GDAP2: variants seen among roughly 807,000 people sequenced by gnomAD.
GDAP2 encodes the protein ganglioside induced differentiation associated protein 2.
A neutral mutation model predicts 67.0 loss-of-function variants in GDAP2; 51 were observed. That is an observed-to-expected ratio of 0.76 (90% CI 0.61 to 0.96). The LOEUF (loss-of-function observed/expected upper bound fraction) is 0.96, where lower values mean the gene tolerates loss of function less well. Among genes scored for constraint, GDAP2 ranks in the 40% least tolerant of loss-of-function variants. The pLI is 0.00. For missense variants in GDAP2, 547 were observed against 588.3 expected (o/e 0.93, Z 0.73); for synonymous variants, 203 against 207.3 (o/e 0.98, Z 0.18).
At chr1:117,923,846 T>C (rs1447384059) in intron 1 of GDAP2, among the ~76,000 whole-genome samples, 5 of 152,244 alleles carry the variant, frequency 3.3e-5, no homozygotes, top group African/African-American at 7.2e-5. Context: ...CTAGAAACCA[T>C]AGTTTAATAT....
At chr1:117,928,054 CATA>C (rs1650518258) in intron 1 of GDAP2, among the ~76,000 whole-genome samples, 1 of 152,034 alleles carries the variant, frequency 6.6e-6, no homozygotes, top group Non-Finnish European at 1.5e-5. Context: ...TGTCCCATCC[CATA>C]ATATTTAATA....
chr1:117,907,624 C>T (rs1041260270), intron 5 of GDAP2, among the ~76,000 whole-genome samples: 6 of 152,194 alleles, frequency 3.9e-5, no homozygotes, highest in African/African-American at 9.6e-5. Context: ...TTCCTTCATG[C>T]TGCATTTTCA....
At chr1:117,926,474 G>A (rs1359594008) in intron 1 of GDAP2, among the ~76,000 whole-genome samples, 1 of 152,172 alleles carries the variant, frequency 6.6e-6, no homozygotes, top group Non-Finnish European at 1.5e-5. Context: ...CTTATTGTAG[G>A]ACAAAATTTA....
At position 117,912,569 on chromosome 1, in the gene GDAP2, G is replaced by C; in HGVS notation, c.431C>G (p.Ser144Cys). The change falls in exon 4 of 14, where the codon TCC becomes TGC. Residue 144 changes from serine to cysteine, a missense_variant. Physicochemically the swap from Ser to Cys is moderately radical, Grantham distance 112. Coordinates refer to ENST00000369443, the MANE Select transcript of GDAP2 (RefSeq NM_017686.4). ...KSRYRTAAES[S>C]LYSCYRNVLQ... is the part of the protein sequence containing the mutation. ...TACGTTTCTGTAGCAGCTATAAAGG[G>C]AACTCTCAGCTGCTGTGCGATAGCG... is the stretch of plus-strand genomic sequence containing the variant. The C allele has an allele frequency of 6.2e-7, 1 of 1,613,438 alleles. No individual in the cohort carries two copies. The highest frequency in any genetic ancestry group is 8.5e-7 in the Non-Finnish European group (1 of 1,179,438).
chr1:117,883,636 TA>T lies in GDAP2; in HGVS notation c.1108-10del. 1 of 1,590,172 alleles carries T rather than the reference TA, an allele frequency of 6.3e-7. No individual in the cohort carries two copies. The highest frequency in any genetic ancestry group is 8.6e-7 in the Non-Finnish European group (1 of 1,161,432). ...ATGAAATATAAGAGAGCCTAAAAGA[TA>T]AAAGGGGAATAAAGGTGAAGATCAT... On this transcript the variant is annotated splice_polypyrimidine_tract_variant and intron_variant, in intron 10 of 13. Coordinates refer to ENST00000369443, the MANE Select transcript of GDAP2 (RefSeq NM_017686.4).
At chr1:117,923,398 TATA>T (rs894917439) in intron 1 of GDAP2, among the ~76,000 whole-genome samples, 1 of 152,164 alleles carries the variant, frequency 6.6e-6, no homozygotes, top group Non-Finnish European at 1.5e-5. Context: ...CATAAGAAAT[TATA>T]AAAGTATTAA....
At chr1:117,907,868 C>T (rs929820929) in intron 5 of GDAP2, among the ~76,000 whole-genome samples, 5 of 152,092 alleles carry the variant, frequency 3.3e-5, no homozygotes, top group African/African-American at 1.2e-4. Context: ...TGATGCTCTG[C>T]ACTACTTACA....
At chr1:117,900,304 T>C (rs753722366) in intron 6 of GDAP2, among the ~76,000 whole-genome samples, 9 of 152,066 alleles carry the variant, frequency 5.9e-5, no homozygotes, top group Non-Finnish European at 1.2e-4. Context: ...ACAGACAGTA[T>C]TCACAAAGGG....
intron 1 of GDAP2, among the ~76,000 whole-genome samples, chr1:117,923,997 G>A (rs1256043516): frequency 6.6e-6 from 1 of 152,168 alleles, no homozygotes; most frequent in Non-Finnish European, 1.5e-5. Context: ...GCATATTCAT[G>A]CATAGTTCAA....
At chr1:117,918,077 G>C (rs569635311) in intron 3 of GDAP2, among the ~76,000 whole-genome samples, 1 of 152,182 alleles carries the variant, frequency 6.6e-6, no homozygotes, top group African/African-American at 2.4e-5. Flanking sequence ...TTAAATGATA[G>C]AAGGGAAGGA....
At chr1:117,925,528 A>G (rs1345522090) in intron 1 of GDAP2, among the ~76,000 whole-genome samples, 1 of 152,208 alleles carries the variant, frequency 6.6e-6, no homozygotes, top group Non-Finnish European at 1.5e-5. Context: ...CTTTTGATGT[A>G]GTTACTACCT....
chr1:117,914,619 A>T (rs1458180952), intron 3 of GDAP2, among the ~76,000 whole-genome samples: 2 of 152,128 alleles, frequency 1.3e-5, no homozygotes, highest in South Asian at 2.1e-4. Context: ...ATATGAAGGC[A>T]AATCCCTGTA....
In GDAP2 at chr1:117,920,383, T is replaced by C. The variant is rs766246487; in HGVS notation, c.-26A>G. ...GGAATGGGAACTTTGATTTGTCTTT[T>C]CCCAAAATCCTCAGCAATTCAATAT... On this transcript the variant is annotated 5_prime_UTR_variant, in exon 2 of 14. Transcript: ENST00000369443. The C allele has an allele frequency of 4.6e-6, 7 of 1,515,566 alleles. No individual in the cohort carries two copies. The African/African-American group carries it at 6.9e-5, about 15-fold the overall frequency. The allele number at this position is 1,515,566 out of a possible 1,614,324, so 93.9% of individuals were successfully genotyped here.
At chr1:117,905,013 T>C (rs1420748193) in intron 6 of GDAP2, among the ~76,000 whole-genome samples, 2 of 152,200 alleles carry the variant, frequency 1.3e-5, no homozygotes, top group Non-Finnish European at 2.9e-5. Context: ...CATGTTTAAC[T>C]CCTTTTCCCG....
chr1:117,906,309 G>A (rs143986503), intron 6 of GDAP2, among the ~76,000 whole-genome samples, 197 bp downstream of exon 6: 155 of 152,216 alleles, frequency 1.0e-3, no homozygotes, highest in African/African-American at 3.5e-3. Context: ...AAATATGAAC[G>A]AAATGCTCCT....
At chr1:117,911,767 A>C (rs897797060) in intron 5 of GDAP2, among the ~76,000 whole-genome samples, 8 of 151,732 alleles carry the variant, frequency 5.3e-5, no homozygotes, top group Admixed American at 2.0e-4. Context: ...AAAAAAAAAA[A>C]ACCTTTTTTT....
At position 117,912,547 on chromosome 1, in the gene GDAP2, G is replaced by A. The variant is rs1466353753; in HGVS notation, c.453C>T (p.Asn151=). ...GACCATACTTTGCTAGTTGAAGTACGTTTCTGTAGCAGCTATAAAGGGAAC... is the reference window on the plus strand; with the variant it reads ...GACCATACTTTGCTAGTTGAAGTACATTTCTGTAGCAGCTATAAAGGGAAC... The part of the protein sequence containing the change: ...AESSLYSCYR[N]VLQLAKEQSM... Residue 151 remains asparagine (N), a synonymous_variant, in exon 4 of 14, where the codon AAC becomes AAT. Coordinates refer to ENST00000369443, the MANE Select transcript of GDAP2 (RefSeq NM_017686.4). 1.4e-5 allele frequency: 23 copies of A among 1,613,334 alleles called. No homozygotes were observed. The highest frequency in any genetic ancestry group is 1.5e-5 in the Non-Finnish European group (18 of 1,179,446).
At chr1:117,917,604 G>A (rs186427450) in intron 3 of GDAP2, among the ~76,000 whole-genome samples, 105 of 152,334 alleles carry the variant, frequency 6.9e-4, no homozygotes, top group Admixed American at 2.0e-3. Flanking sequence ...CAGAGGTGAA[G>A]TAACCAGTCT....
intron 10 of GDAP2, among the ~76,000 whole-genome samples, chr1:117,884,064 T>C (rs1303441372): frequency 6.6e-6 from 1 of 152,204 alleles, no homozygotes; most frequent in Admixed American, 6.5e-5. Context: ...TTGCAGTCTC[T>C]ACTCAGAAAT....
Sources: allele counts gnomAD v4.1 joint callset (sites outside exome capture counted in the v4.1 genomes callset), GRCh38; gene constraint gnomAD v4.1.1; transcripts MANE v1.5; gene names NCBI Gene and HGNC (gene_info 2026-07-23, HGNC 2026-07-21).